Variants in BTBD1 observed in about 807,000 individuals in gnomAD.
The protein encoded by BTBD1 is BTB domain containing 1.
Under a neutral mutation model 48.0 loss-of-function variants are expected in BTBD1, and 34 were observed. The ratio of observed to expected loss-of-function variants is 0.71; its 90% CI spans 0.54 to 0.94. BTBD1 has a LOEUF of 0.94. BTBD1 is among the 40% of genes least tolerant of loss of function. BTBD1 has a pLI of 0.00. For synonymous variants in BTBD1, 261 were observed against 242.1 expected (o/e 1.08, Z -0.72); for missense variants, 543 against 625.6 (o/e 0.87, Z 1.41).
At chr15:83,054,958 G>C (rs1011192638) in intron 2 of BTBD1, among the ~76,000 whole-genome samples, 1 of 152,162 alleles carries the variant, frequency 6.6e-6, no homozygotes, top group African/African-American at 2.4e-5. Context: ...TGGAAAGGCA[G>C]TTAATTACCC....
intron 3 of BTBD1, among the ~76,000 whole-genome samples, chr15:83,042,274 C>T (rs558340727): frequency 6.7e-6 from 1 of 149,206 alleles, no homozygotes; most frequent in East Asian, 1.9e-4. Flanking sequence ...TTAAAGTCTA[C>T]AGATTATAAT....
Position 83,056,648 on chromosome 15 carries a change from T to G in BTBD1, c.402-103A>C, listed in dbSNP as rs892711758. The stretch of plus-strand genomic sequence containing the variant: ...GGAGTATTTACTTATATTTTTATTT[T>G]ATGTTTTCATCCATCCATCCACCCA... On this transcript the variant is annotated intron_variant, in intron 1 of 7. Coordinates refer to ENST00000261721, the MANE Select transcript of BTBD1 (RefSeq NM_025238.4). The G allele has an allele frequency of 2.9e-6, 3 of 1,024,386 alleles. No homozygotes were observed. In the African/African-American group the frequency reaches 4.9e-5, roughly 17 times the overall value. The allele number at this position is 1,024,386 out of a possible 1,614,324, so 63.5% of individuals were successfully genotyped here.
At chr15:83,046,889 T>A (rs1207988831) in intron 3 of BTBD1, among the ~76,000 whole-genome samples, 1 of 152,144 alleles carries the variant, frequency 6.6e-6, no homozygotes, top group Non-Finnish European at 1.5e-5. Flanking sequence ...ATATAACAAG[T>A]ATCATGGACG....
At chr15:83,042,348 T>TTTTATATATTTATATATATA (rs773923340) in intron 3 of BTBD1, among the ~76,000 whole-genome samples, 22 of 109,890 alleles carry the variant, frequency 2.0e-4, no homozygotes, top group Admixed American at 5.8e-4. Flanking sequence ...TTAGGCAATT[T>TTTTATATATTTATATATATA]TATATATATA....
chr15:83,039,052 A>G (rs896430601), intron 4 of BTBD1, among the ~76,000 whole-genome samples: 4 of 152,190 alleles, frequency 2.6e-5, no homozygotes, highest in Admixed American at 6.5e-5. Context: ...TAAACTAAAG[A>G]GCTTCTGCAC....
intron 4 of BTBD1, among the ~76,000 whole-genome samples, chr15:83,037,130 T>A (rs1033898728): frequency 6.6e-6 from 1 of 151,086 alleles, no homozygotes; most frequent in Non-Finnish European, 1.5e-5. Flanking sequence ...GAAAAAAAAA[T>A]TTGGTATAAT....
At chr15:83,018,360 A>T in intron 7 of BTBD1, 135 bp from the exon 8 acceptor site, 1 of 786,058 alleles carries the variant, frequency 1.3e-6, no homozygotes, top group Non-Finnish European at 1.8e-6. Context: ...TCATTTAGAG[A>T]AAAATGAAGT....
At chr15:83,064,685 C>T (rs1596446540) in intron 1 of BTBD1, among the ~76,000 whole-genome samples, 3 of 90,878 alleles carry the variant, frequency 3.3e-5, no homozygotes, top group Admixed American at 1.2e-4. Flanking sequence ...CCAAATATTA[C>T]GGTATATAAT....
intron 5 of BTBD1, among the ~76,000 whole-genome samples, chr15:83,027,339 C>T (rs1340527222): frequency 1.3e-5 from 2 of 152,126 alleles, no homozygotes; most frequent in Non-Finnish European, 2.9e-5. Context: ...GCAACAAGAG[C>T]GAAACTCTAT....
rs1161814423 is a variant in BTBD1 at position 83,030,284 on chromosome 15, G to C, written c.907C>G (p.Leu303Val). ...GILSDREVVN[L>V]FLHFTVNPKP... ...GGGTTGACAGTAAAATGAAGAAAGAGGTTTACCACTTCACGATCTGACAAA... is the reference window on the plus strand; with the variant it reads ...GGGTTGACAGTAAAATGAAGAAAGACGTTTACCACTTCACGATCTGACAAA... Residue 303 changes from leucine (L) to valine (V), a missense_variant, in exon 5 of 8, where the codon CTC becomes GTC. Leu to Val is a conservative substitution (Grantham distance 32). Coordinates refer to ENST00000261721, the MANE Select transcript of BTBD1 (RefSeq NM_025238.4). 6.2e-7 allele frequency: 1 copy of C among 1,613,938 alleles called. No homozygotes were observed. Among genetic ancestry groups the C allele is most frequent in the Non-Finnish European group, 8.5e-7 (1 of 1,179,986 alleles).
rs770368255 is a variant in BTBD1, at chr15:83,067,065, G to GGGCGGCGGC, written c.78_86dup (p.Pro27_Pro29dup). Reference sequence around the variant, plus strand: ...GCAGGGGCCCCAGAGAGGACGGTGAGGGCGGCGGCGGCGGCCCCGCGGGGC... The same window carrying GGGCGGCGGC: ...GCAGGGGCCCCAGAGAGGACGGTGAGGGCGGCGGCGGCGGCGGCGGCGGCCCCGCGGGGC... On this transcript the variant is annotated inframe_insertion, in exon 1 of 8. Coordinates refer to ENST00000261721, the MANE Select transcript of BTBD1 (RefSeq NM_025238.4). The GGGCGGCGGC allele has an allele frequency of 6.4e-7, 1 of 1,559,524 alleles. No homozygotes were observed. The highest frequency in any genetic ancestry group is 8.6e-7 in the Non-Finnish European group (1 of 1,157,476).
Position 83,067,023 on chromosome 15 carries a change from T to C in BTBD1, c.129A>G (p.Glu43=), listed in dbSNP as rs774930502. 1 of 1,582,588 alleles carries C rather than the reference T, an allele frequency of 6.3e-7. No homozygotes were observed. Among genetic ancestry groups the C allele is most frequent in the South Asian group, 1.1e-5 (1 of 88,546 alleles). ...TGGTCGCCTGCCAGTTGTAGAGAGG[T>C]TCCCGCTGCAGGGGGAGCAGGGGCC... ...SLGPLLPLQR[E]PLYNWQATKA... Residue 43 remains glutamate (E), a synonymous_variant, in exon 1 of 8, where the codon GAA becomes GAG. Coordinates refer to ENST00000261721, the MANE Select transcript of BTBD1 (RefSeq NM_025238.4).
At chr15:83,036,152 C>A (rs1315311908) in intron 4 of BTBD1, among the ~76,000 whole-genome samples, 365 of 51,102 alleles carry the variant, frequency 7.1e-3, no homozygotes, top group African/African-American at 0.013. Flanking sequence ...TAAAAGAAAG[C>A]AAGAAAGGAA....
chr15:83,060,150 CTATGTAACG>C (rs1299992847), intron 1 of BTBD1, among the ~76,000 whole-genome samples: 11 of 152,060 alleles, frequency 7.2e-5, no homozygotes, highest in Admixed American at 5.2e-4. Flanking sequence ...GCACAGGTTT[CTATGTAACG>C]TCAAAAGGGA....
chr15:83,065,983 G>A (rs1003493971), intron 1 of BTBD1, among the ~76,000 whole-genome samples: 1 of 151,970 alleles, frequency 6.6e-6, no homozygotes, highest in Admixed American at 6.6e-5. Flanking sequence ...ATACGTTAAT[G>A]AAAAACAAAA....
intron 4 of BTBD1, among the ~76,000 whole-genome samples, chr15:83,039,984 GACAC>G (rs34590396): frequency 0.068 from 9,891 of 146,106 alleles, 367 homozygotes; most frequent in Middle Eastern, 0.11. Context: ...TAGAGAATGT[GACAC>G]ACACACACAC....
At chr15:83,034,023 C>T (rs1044169410) in intron 4 of BTBD1, among the ~76,000 whole-genome samples, 6 of 148,426 alleles carry the variant, frequency 4.0e-5, no homozygotes, top group Non-Finnish European at 7.4e-5. Context: ...AGGAGGTTGA[C>T]GCTGGAGTAA....
At chr15:83,064,727 C>A (rs865923142) in intron 1 of BTBD1, among the ~76,000 whole-genome samples, 10 of 151,982 alleles carry the variant, frequency 6.6e-5, no homozygotes, top group African/African-American at 2.2e-4. Context: ...CATAAGCACC[C>A]CAGAAGATTA....
chr15:83,054,798 G>C (rs867697651), intron 2 of BTBD1, among the ~76,000 whole-genome samples: 2 of 152,064 alleles, frequency 1.3e-5, no homozygotes, highest in African/African-American at 4.8e-5. Flanking sequence ...TTGGCCTCAT[G>C]ATCTGCCCGC....
Sources: allele counts gnomAD v4.1 joint callset (sites outside exome capture counted in the v4.1 genomes callset), GRCh38; gene constraint gnomAD v4.1.1; transcripts MANE v1.5; gene names NCBI Gene and HGNC (gene_info 2026-07-23, HGNC 2026-07-21).